Variants in CXCR1 observed in about 807,000 individuals in gnomAD.
CXCR1 encodes C-X-C motif chemokine receptor 1, also known as C-X-C chemokine receptor type 1.
For synonymous variants in CXCR1, 180 were observed against 184.7 expected, an observed-to-expected ratio of 0.97 and a Z score of 0.21; for missense variants, 419 against 440.5, an observed-to-expected ratio of 0.95 and a Z score of 0.44.
Position 218,164,966 on chromosome 2 carries a change from G to A in CXCR1, c.246C>T (p.Ala82=). The A allele has an allele frequency of 6.2e-7, 1 of 1,614,262 alleles. No homozygotes were observed. The highest frequency in any genetic ancestry group is 8.5e-7 in the Non-Finnish European group (1 of 1,180,050). The change falls in exon 2 of 2, where the codon GCC becomes GCT. Residue 82 remains alanine (A), a synonymous_variant. Coordinates refer to ENST00000295683, the MANE Select transcript of CXCR1 (RefSeq NM_000634.3). The part of the protein sequence containing the change: ...SVTDVYLLNL[A]LADLLFALTL... ...TCAGGGCAAAGAGTAGGTCGGCCAA[G>A]GCCAGGTTCAGCAGGTAGACATCAG...
chr2:218,163,768 T>G lies in CXCR1; in HGVS notation c.*391A>C. ...GTGGCTCAACGCTTAACACTCAGAG[T>G]TGAGGAGATGCTCCTGTGAGGGTCA... On this transcript the variant is annotated 3_prime_UTR_variant, in exon 2 of 2. Coordinates refer to ENST00000295683, the MANE Select transcript of CXCR1 (RefSeq NM_000634.3). 3.8e-6 allele frequency: 1 copy of G among 265,222 alleles called. No homozygotes were observed. The highest frequency in any genetic ancestry group is 7.8e-6 in the Non-Finnish European group (1 of 128,634). 16.4% of individuals were successfully genotyped at this position (265,222 alleles called of 1,614,324 possible).
At position 218,164,052 on chromosome 2, in the gene CXCR1, C is replaced by T. The variant is rs1464276904; in HGVS notation, c.*107G>A. The T allele has an allele frequency of 1.4e-6, 2 of 1,411,760 alleles. No individual in the cohort carries two copies. The highest frequency in any genetic ancestry group is 1.4e-5 in the African/African-American group (1 of 71,132). 87.5% of individuals were successfully genotyped at this position (1,411,760 alleles called of 1,614,324 possible). A position where few individuals can be genotyped will look rare whatever the true frequency, so the allele number is the denominator to read the frequency against. ...TTCCCCACATCCTATAGCGTCCCCC[C>T]AAAACCCAGATAGTGCCTGTCCAGA... On this transcript the variant is annotated 3_prime_UTR_variant, in exon 2 of 2. Transcript: ENST00000295683.
rs11893654 is a variant in CXCR1 at position 218,165,996 on chromosome 2, C to T, written c.-33-752G>A. 7.7e-3 allele frequency among the ~76,000 whole-genome samples: 1,174 copies of T among 152,228 alleles called. 13 individuals carry two copies. Among genetic ancestry groups the T allele is most frequent in the South Asian group, 0.038 (183 of 4,822 alleles). On this transcript the variant is annotated intron_variant, in intron 1 of 1. Coordinates refer to ENST00000295683, the MANE Select transcript of CXCR1 (RefSeq NM_000634.3). The stretch of plus-strand genomic sequence containing the variant: ...GCCCAGTATGTGAAGCAGATAAAAG[C>T]TGAGCCACTGTGGGGCAGAGTGTGC...
chr2:218,164,151 G>T lies in CXCR1; in HGVS notation c.*8C>A, dbSNP rs567511166. ...TTCTGAGAAGAGATATTCCTTCATCGATGGTTTTCAGAGGTTGGAAGAGAC... is the reference window on the plus strand; with the variant it reads ...TTCTGAGAAGAGATATTCCTTCATCTATGGTTTTCAGAGGTTGGAAGAGAC... On this transcript the variant is annotated 3_prime_UTR_variant, in exon 2 of 2. Coordinates refer to ENST00000295683, the MANE Select transcript of CXCR1 (RefSeq NM_000634.3). 6.2e-7 allele frequency: 1 copy of T among 1,613,622 alleles called. No individual in the cohort carries two copies. The highest frequency in any genetic ancestry group is 1.3e-5 in the African/African-American group (1 of 75,012).
rs1009804474 is a variant in CXCR1 at position 218,163,225 on chromosome 2, C to T, written c.*934G>A. 3 of 152,624 alleles carry T rather than the reference C, an allele frequency of 2.0e-5. No individual in the cohort carries two copies. The highest frequency in any genetic ancestry group is 7.2e-5 in the African/African-American group (3 of 41,452). The allele number at this position is 152,624 out of a possible 1,614,324, so 9.5% of individuals were successfully genotyped here. ...CACTGCCCTTCAACCCAGAGAGGTG[C>T]CTTCTTAGGAGGTGCTGCCCCCATT... On this transcript the variant is annotated 3_prime_UTR_variant, in exon 2 of 2. Transcript: ENST00000295683.
Position 218,163,959 on chromosome 2 carries a change from G to A in CXCR1, c.*200C>T, listed in dbSNP as rs374653295. ...TCGTTTCCATGGAGGTGCAAAGGCC[G>A]GTCCTTGGAGGTACCTCAACAGCTC... On this transcript the variant is annotated 3_prime_UTR_variant, in exon 2 of 2. Coordinates refer to ENST00000295683, the MANE Select transcript of CXCR1 (RefSeq NM_000634.3). 1.9e-5 allele frequency: 12 copies of A among 621,438 alleles called. No individual in the cohort carries two copies. Among genetic ancestry groups the A allele is most frequent in the Middle Eastern group, 4.3e-4 (1 of 2,308 alleles). 38.5% of individuals were successfully genotyped at this position (621,438 alleles called of 1,614,324 possible). A position where few individuals can be genotyped will look rare whatever the true frequency, so the allele number is the denominator to read the frequency against.
In CXCR1 at chr2:218,164,354, G is replaced by A; in HGVS notation, c.858C>T (p.Ala286=). ...SCERRNNIGR[A]LDATEILGFL... is the part of the protein sequence containing the mutation. ...ATCCCAGAATCTCAGTGGCATCCAG[G>A]GCCCGGCCGATGTTGTTGCGGCGCT... is the stretch of plus-strand genomic sequence containing the variant. The change falls in exon 2 of 2, where the codon GCC becomes GCT. Residue 286 remains alanine (A), a synonymous_variant. Coordinates refer to ENST00000295683, the MANE Select transcript of CXCR1 (RefSeq NM_000634.3). 6.2e-7 allele frequency: 1 copy of A among 1,612,866 alleles called. No homozygotes were observed. The highest frequency in any genetic ancestry group is 8.5e-7 in the Non-Finnish European group (1 of 1,179,016).
chr2:218,164,664 G>A lies in CXCR1; in HGVS notation c.548C>T (p.Ser183Phe), dbSNP rs1378399584. 3.7e-6 allele frequency: 6 copies of A among 1,614,108 alleles called. No homozygotes were observed. The highest frequency in any genetic ancestry group is 1.6e-4 in the Middle Eastern group (1 of 6,084). The change falls in exon 2 of 2, where the codon TCC becomes TTC. Residue 183 changes from serine (S) to phenylalanine (F), a missense_variant. Transcript: ENST00000295683. ...LFRQAYHPNN[S>F]SPVCYEVLGN... ...CAGGACCTCATAGCAAACTGGACTGGAATTGTTTGGATGGTAAGCCTGGCG... is the reference window on the plus strand; with the variant it reads ...CAGGACCTCATAGCAAACTGGACTGAAATTGTTTGGATGGTAAGCCTGGCG...
Position 218,164,313 on chromosome 2 carries a change from A to G in CXCR1, c.899T>C (p.Leu300Pro). ...GATGAAGGCGTAGATGATGGGGTTGAGGCAGCTATGGAGAAATCCCAGAAT... is the reference window on the plus strand; with the variant it reads ...GATGAAGGCGTAGATGATGGGGTTGGGGCAGCTATGGAGAAATCCCAGAAT... ...TEILGFLHSC[L>P]NPIIYAFIGQ... The change falls in exon 2 of 2, where the codon CTC becomes CCC. Residue 300 changes from leucine (L) to proline (P), a missense_variant. Physicochemically the swap from Leu to Pro is moderately conservative, Grantham distance 98. Transcript: ENST00000295683. 6.2e-7 allele frequency: 1 copy of G among 1,612,188 alleles called. No homozygotes were observed. Among genetic ancestry groups the G allele is most frequent in the East Asian group, 2.2e-5 (1 of 44,820 alleles).
In CXCR1 at chr2:218,164,294, G is replaced by A; in HGVS notation, c.918C>T (p.Ala306=). Residue 306 remains alanine (A), a synonymous_variant, in exon 2 of 2, where the codon GCC becomes GCT. Transcript: ENST00000295683. The part of the protein sequence containing the change: ...LHSCLNPIIY[A]FIGQNFRHGF... ...CATGGCGAAAATTTTGGCCGATGAAGGCGTAGATGATGGGGTTGAGGCAGC... is the reference window on the plus strand; with the variant it reads ...CATGGCGAAAATTTTGGCCGATGAAAGCGTAGATGATGGGGTTGAGGCAGC... 6.2e-7 allele frequency: 1 copy of A among 1,612,366 alleles called. No individual in the cohort carries two copies. The highest frequency in any genetic ancestry group is 8.5e-7 in the Non-Finnish European group (1 of 1,178,460).
Position 218,163,997 on chromosome 2 carries a change from G to A in CXCR1, c.*162C>T. The A allele has an allele frequency of 1.2e-6, 1 of 804,778 alleles. No individual in the cohort carries two copies. The highest frequency in any genetic ancestry group is 2.0e-6 in the Non-Finnish European group (1 of 489,602). The allele number at this position is 804,778 out of a possible 1,614,324, so 49.9% of individuals were successfully genotyped here. On this transcript the variant is annotated 3_prime_UTR_variant, in exon 2 of 2. Transcript: ENST00000295683. ...ACCTCAACAGCTCCTCAGAAGGTTG[G>A]TGTGGCCCCTGAAGACACCAGTTCC...
chr2:218,164,322 T>C lies in CXCR1; in HGVS notation c.890A>G (p.His297Arg). ...LDATEILGFL[H>R]SCLNPIIYAF... ...GTAGATGATGGGGTTGAGGCAGCTA[T>C]GGAGAAATCCCAGAATCTCAGTGGC... Residue 297 changes from histidine to arginine, a missense_variant, in exon 2 of 2, where the codon CAT (histidine) becomes CGT (arginine). Physicochemically the swap from His to Arg is conservative, Grantham distance 29 (BLOSUM62 0). Transcript: ENST00000295683. 4 of 1,612,154 alleles carry C rather than the reference T, an allele frequency of 2.5e-6. No individual in the cohort carries two copies. The highest frequency in any genetic ancestry group is 3.4e-6 in the Non-Finnish European group (4 of 1,178,432).
intron 1 of CXCR1, 139 bp downstream of exon 1, chr2:218,166,769 T>C (rs1392314598): frequency 6.6e-6 from 1 of 152,170 alleles, no homozygotes; most frequent in Non-Finnish European, 1.5e-5. Context: ...TAACTCCATG[T>C]ATGAGTGGTG....
Position 218,164,532 on chromosome 2 carries a change from C to G in CXCR1, c.680G>C (p.Arg227Pro), listed in dbSNP as rs140085060. ...CCCCATGTGGGCCTTAAACAGTGTA[C>G]GCAGGGTGAATCCATAGCAGAACAG... ...VMLFCYGFTL[R>P]TLFKAHMGQK... The change falls in exon 2 of 2, where the codon CGT (arginine) becomes CCT (proline). Residue 227 changes from arginine (R) to proline (P), a missense_variant. Arg to Pro is a moderately radical substitution (Grantham distance 103). Coordinates refer to ENST00000295683, the MANE Select transcript of CXCR1 (RefSeq NM_000634.3). 6.2e-7 allele frequency: 1 copy of G among 1,614,104 alleles called. No homozygotes were observed. The highest frequency in any genetic ancestry group is 1.7e-5 in the Admixed American group (1 of 60,006).
chr2:218,164,186 C>T lies in CXCR1; in HGVS notation c.1026G>A (p.Ser342=), dbSNP rs144791200. 9.6e-5 allele frequency: 155 copies of T among 1,614,100 alleles called. 1 individual carries two copies. Among genetic ancestry groups the T allele is most frequent in the Admixed American group, 1.7e-4 (10 of 60,022 alleles). The change falls in exon 2 of 2, where the codon TCG becomes TCA. Residue 342 remains serine, a synonymous_variant. Transcript: ENST00000295683. ...ARHRVTSYTS[S]SVNVSSNL is the part of the protein sequence containing the mutation. ...AGAGGTTGGAAGAGACATTGACAGA[C>T]GAAGAAGTGTAGGAGGTAACACGAT...
rs1003010912 is a variant in CXCR1, at chr2:218,164,524, A to G, written c.688T>C (p.Phe230Leu). 4.3e-6 allele frequency: 7 copies of G among 1,614,084 alleles called. No individual in the cohort carries two copies. The highest frequency in any genetic ancestry group is 5.9e-6 in the Non-Finnish European group (7 of 1,180,044). Residue 230 changes from phenylalanine (F) to leucine (L), a missense_variant, in exon 2 of 2, where the codon TTT becomes CTT. Phe to Leu is a conservative substitution (Grantham distance 22). Coordinates refer to ENST00000295683, the MANE Select transcript of CXCR1 (RefSeq NM_000634.3). ...FCYGFTLRTL[F>L]KAHMGQKHRA... ...TGCTTCTGCCCCATGTGGGCCTTAA[A>G]CAGTGTACGCAGGGTGAATCCATAG...
chr2:218,164,740 G>A lies in CXCR1; in HGVS notation c.472C>T (p.Leu158Phe), dbSNP rs142946783. 11 of 1,614,126 alleles carry A rather than the reference G, an allele frequency of 6.8e-6. No individual in the cohort carries two copies. The highest frequency in any genetic ancestry group is 1.6e-4 in the Middle Eastern group (1 of 6,084). ...TTCATAGACAGTCCCCAGCAGCCAA[G>A]ACAAACAAACTTGACCAAGTGACGC... ...QKRHLVKFVC[L>F]GCWGLSMNLS... Residue 158 changes from leucine (L) to phenylalanine (F), a missense_variant, in exon 2 of 2, where the codon CTT becomes TTT. Leu to Phe is a conservative substitution (Grantham distance 22). Transcript: ENST00000295683.
rs1253356055 is a variant in CXCR1, at chr2:218,163,126, C to A, written c.*1033G>T. 6.6e-6 allele frequency: 1 copy of A among 152,352 alleles called. No individual in the cohort carries two copies. The highest frequency in any genetic ancestry group is 1.5e-5 in the Non-Finnish European group (1 of 68,088). 9.4% of individuals were successfully genotyped at this position (152,352 alleles called of 1,614,324 possible). A position where few individuals can be genotyped will look rare whatever the true frequency, so the allele number is the denominator to read the frequency against. ...TTGTGGACAAAGGGATCTTCCTTGG[C>A]CAGGGGTATGGGCATGAACAGGAGT... is the stretch of plus-strand genomic sequence containing the variant. On this transcript the variant is annotated 3_prime_UTR_variant, in exon 2 of 2. Coordinates refer to ENST00000295683, the MANE Select transcript of CXCR1 (RefSeq NM_000634.3).
rs952453802 is a variant in CXCR1, at chr2:218,163,309, A to T, written c.*850T>A. On this transcript the variant is annotated 3_prime_UTR_variant, in exon 2 of 2. Transcript: ENST00000295683. ...CCCTTGACTCTGTCACAACCAAGAT[A>T]CTTCCACAGGGACAAGCACGGAACA... 1 of 152,588 alleles carries T rather than the reference A, an allele frequency of 6.6e-6. No homozygotes were observed. The highest frequency in any genetic ancestry group is 6.5e-5 in the Admixed American group (1 of 15,296). The allele number at this position is 152,588 out of a possible 1,614,324, so 9.5% of individuals were successfully genotyped here.
Sources: gnomAD v4.1 joint callset for allele counts (sites outside exome capture counted in the v4.1 genomes callset) on GRCh38, gnomAD v4.1.1 for gene constraint, MANE v1.5 for transcripts, NCBI Gene and HGNC (gene_info 2026-07-23, HGNC 2026-07-21) for gene names.